The following NRG1 variants were observed in gnomAD, a reference collection of about 807,000 sequenced individuals.
NRG1 encodes neuregulin 1.
Under a neutral mutation model 63.8 loss-of-function variants are expected in NRG1, and 18 were observed. The ratio of observed to expected loss-of-function variants is 0.28; its 90% confidence interval spans 0.19 to 0.42. NRG1 has a LOEUF of 0.42. Among genes scored for constraint, NRG1 ranks in the 10% least tolerant of loss-of-function variants. NRG1 has a pLI of 1.00. For missense variants in NRG1, 762 were observed against 814.7 expected, an observed-to-expected ratio of 0.94 and a Z score of 0.79; for synonymous variants, 302 against 301.3, an observed-to-expected ratio of 1.00 and a Z score of -0.02.
intron 1 of NRG1, among the ~76,000 whole-genome samples, chr8:32,582,310 C>G (rs1375249710): frequency 1.3e-5 from 2 of 151,842 alleles, no homozygotes; most frequent in Non-Finnish European, 1.5e-5. Flanking sequence ...GTTGCCCAGG[C>G]TGGTCTCAAA....
chr8:31,752,470 C>A (rs1441249043), intron 1 of NRG1, among the ~76,000 whole-genome samples: 1 of 151,920 alleles, frequency 6.6e-6, no homozygotes, highest in Non-Finnish European at 1.5e-5. Context: ...GGGGGGAGAC[C>A]AATTAGGAGA....
chr8:32,342,664 C>T (rs933010113), intron 1 of NRG1, among the ~76,000 whole-genome samples: 4 of 152,164 alleles, frequency 2.6e-5, no homozygotes, highest in Non-Finnish European at 5.9e-5. Context: ...ATATTCATAG[C>T]ATAAATTTTC....
chr8:32,073,207 C>T (rs916282680), intron 1 of NRG1, among the ~76,000 whole-genome samples: 2 of 152,164 alleles, frequency 1.3e-5, no homozygotes, highest in African/African-American at 4.8e-5. Flanking sequence ...GTCATTACAG[C>T]ATTAAGCAGA....
chr8:32,655,851 A>G (rs1008088840), intron 5 of NRG1, among the ~76,000 whole-genome samples: 3 of 152,150 alleles, frequency 2.0e-5, no homozygotes, highest in Non-Finnish European at 2.9e-5. Flanking sequence ...TCAAGTAAGT[A>G]CTGTTTTTGG....
chr8:32,553,002 C>T (rs7831776), intron 1 of NRG1, among the ~76,000 whole-genome samples: 147,556 of 152,308 alleles, frequency 0.97, 71,645 homozygotes, highest in East Asian at 1. Context: ...TTTTGTCATC[C>T]GTCCTTTCGA....
At chr8:32,536,409 T>C (rs1831972187) in intron 1 of NRG1, among the ~76,000 whole-genome samples, 1 of 152,184 alleles carries the variant, frequency 6.6e-6, no homozygotes, top group Non-Finnish European at 1.5e-5. Flanking sequence ...TAGGAGAATA[T>C]TTCTCTTCAG....
chr8:32,716,169 A>G (rs904517690), intron 5 of NRG1, among the ~76,000 whole-genome samples: 2 of 152,182 alleles, frequency 1.3e-5, no homozygotes, highest in African/African-American at 2.4e-5. Flanking sequence ...ATGCCTCACT[A>G]GGTGTTGGCT....
rs968187248 is a variant in NRG1, at chr8:31,941,424, A to G, written c.37+301993A>G. Among the ~76,000 whole-genome samples, 4 of 152,188 alleles carry G rather than the reference A, an allele frequency of 2.6e-5. No individual in the cohort carries two copies. The South Asian group carries it at 8.3e-4, about 32-fold the overall frequency. Reference sequence around the variant, plus strand: ...AAGGTAATAAAAACCATCTATGGCAAGCCCACAGCCAACTTTATACTGAAG... The same window carrying G: ...AAGGTAATAAAAACCATCTATGGCAGGCCCACAGCCAACTTTATACTGAAG... On this transcript the variant is annotated intron_variant, in intron 1 of 10. Coordinates refer to the NRG1 transcript ENST00000519301.
chr8:32,065,380 T>C (rs978444044), intron 1 of NRG1, among the ~76,000 whole-genome samples: 3 of 152,010 alleles, frequency 2.0e-5, no homozygotes, highest in Non-Finnish European at 4.4e-5. Flanking sequence ...CAGGCCCCAG[T>C]GTGTGATGTT....
chr8:32,399,986 C>T lies in NRG1; in HGVS notation c.38-195842C>T, dbSNP rs1268741148. Among the ~76,000 whole-genome samples, 12 of 152,332 alleles carry T rather than the reference C, an allele frequency of 7.9e-5. No individual in the cohort carries two copies. In the East Asian group the frequency reaches 1.9e-3, roughly 25 times the overall value. The stretch of plus-strand genomic sequence containing the variant: ...TCCTTGCCTTCTCCCCATATCACCT[C>T]TCTGCACCTCTTCACACCCATGAGG... On this transcript the variant is annotated intron_variant, in intron 1 of 10. Transcript: ENST00000519301.
At chr8:32,212,830 C>T (rs764122731) in intron 1 of NRG1, among the ~76,000 whole-genome samples, 24 of 152,012 alleles carry the variant, frequency 1.6e-4, no homozygotes, top group Non-Finnish European at 2.6e-4. Flanking sequence ...GGTTAGAGCT[C>T]TTCTATATTC....
intron 1 of NRG1, chr8:32,026,111 CA>C (rs1181185950): frequency 5.4e-5 from 8 of 149,530 alleles, no homozygotes; most frequent in Non-Finnish European, 1.2e-4. Flanking sequence ...CTCTGTCGCC[CA>C]GGCTGGAGTG....
chr8:32,073,014 A>AC (rs1388576288), intron 1 of NRG1, among the ~76,000 whole-genome samples: 1 of 151,334 alleles, frequency 6.6e-6, no homozygotes, highest in Non-Finnish European at 1.5e-5. Flanking sequence ...CTGGGAAAAA[A>AC]AAAATTGGTC....
chr8:31,995,731 A>G (rs1473416507), intron 1 of NRG1, among the ~76,000 whole-genome samples: 1 of 151,876 alleles, frequency 6.6e-6, no homozygotes, highest in Non-Finnish European at 1.5e-5. Context: ...AGACAAAGGT[A>G]CCTTTTTCTC....
intron 1 of NRG1, among the ~76,000 whole-genome samples, chr8:31,798,880 C>T (rs1399061271): frequency 1.3e-5 from 2 of 151,868 alleles, no homozygotes; most frequent in Non-Finnish European, 2.9e-5. Context: ...CATAAAGTGC[C>T]ACATCAGAAT....
At chr8:31,639,644 C>G in intron 1 of NRG1, 1 of 1,403,604 alleles carries the variant, frequency 7.1e-7, no homozygotes, top group Non-Finnish European at 9.2e-7. Flanking sequence ...GTGACAGCAG[C>G]CCCGACAGCA....
chr8:32,048,443 A>AT (rs1821422827), intron 1 of NRG1, among the ~76,000 whole-genome samples: 1 of 542 alleles, frequency 1.8e-3, no homozygotes, highest in African/African-American at 2.4e-3. Flanking sequence ...ACATATATAC[A>AT]TACATATATA....
chr8:31,976,130 A>G (rs1038842327), intron 1 of NRG1, among the ~76,000 whole-genome samples: 3 of 152,172 alleles, frequency 2.0e-5, no homozygotes, highest in African/African-American at 4.8e-5. Flanking sequence ...TTGCATTAAT[A>G]TAGGCGTTTT....
chr8:32,063,960 G>A (rs1281629760), intron 1 of NRG1, among the ~76,000 whole-genome samples: 1 of 152,122 alleles, frequency 6.6e-6, no homozygotes, highest in Non-Finnish European at 1.5e-5. Context: ...TGTGGGCAGG[G>A]AGAATGTGGA....
Sources: gnomAD v4.1 joint callset for allele counts (sites outside exome capture counted in the v4.1 genomes callset) on GRCh38, gnomAD v4.1.1 for gene constraint, MANE v1.5 for transcripts, NCBI Gene and HGNC (gene_info 2026-07-23, HGNC 2026-07-21) for gene names.